Variants in RUNDC3B observed in about 807,000 individuals in gnomAD.
RUNDC3B encodes the protein RUN domain-containing protein 3B.
A neutral mutation model predicts 58.4 loss-of-function variants in RUNDC3B; 33 were observed. The ratio of observed to expected loss-of-function variants is 0.56; its 90% CI spans 0.43 to 0.75. The LOEUF (loss-of-function observed/expected upper bound fraction) is 0.75. Among genes scored for constraint, RUNDC3B ranks in the 30% least tolerant of loss-of-function variants. The pLI, the probability that RUNDC3B is intolerant of heterozygous loss-of-function variation, is 0.00. For missense variants in RUNDC3B, 501 were observed against 535.7 expected, an observed-to-expected ratio of 0.94 and a Z score of 0.64; for synonymous variants, 193 against 195.2, an observed-to-expected ratio of 0.99 and a Z score of 0.10.
intron 2 of RUNDC3B, among the ~76,000 whole-genome samples, chr7:87,658,635 A>C (rs1824371571): frequency 6.6e-6 from 1 of 152,226 alleles, no homozygotes; most frequent in Non-Finnish European, 1.5e-5. Flanking sequence ...GCAAATAGAG[A>C]AAAATGACAA....
intron 6 of RUNDC3B, among the ~76,000 whole-genome samples, chr7:87,767,008 C>G (rs1459941925): frequency 2.0e-5 from 3 of 151,850 alleles, no homozygotes; most frequent in Non-Finnish European, 2.9e-5. Flanking sequence ...GAAATTCTTT[C>G]TTTTGCTTGG....
intron 2 of RUNDC3B, among the ~76,000 whole-genome samples, chr7:87,665,389 A>G (rs908990709): frequency 2.6e-5 from 4 of 152,132 alleles, no homozygotes; most frequent in African/African-American, 9.7e-5. Context: ...AGGAAGTGAA[A>G]CCTCTGTACA....
intron 10 of RUNDC3B, among the ~76,000 whole-genome samples, chr7:87,827,233 A>G (rs1247096169): frequency 1.3e-5 from 2 of 152,226 alleles, no homozygotes; most frequent in African/African-American, 4.8e-5. Flanking sequence ...CATGCCTGTA[A>G]TCCCAGCACT....
intron 2 of RUNDC3B, among the ~76,000 whole-genome samples, chr7:87,669,450 G>A (rs905821787): frequency 6.6e-6 from 1 of 152,070 alleles, no homozygotes; most frequent in African/African-American, 2.4e-5. Context: ...TGCCTTTTAA[G>A]TGGGGCATTT....
At chr7:87,714,666 A>T (rs184881679) in intron 4 of RUNDC3B, among the ~76,000 whole-genome samples, 1 of 152,292 alleles carries the variant, frequency 6.6e-6, no homozygotes, top group African/African-American at 2.4e-5. Context: ...TGGTTAGACG[A>T]GAAATTCTCA....
chr7:87,763,731 C>T (rs1833824607), intron 6 of RUNDC3B, among the ~76,000 whole-genome samples: 2 of 151,504 alleles, frequency 1.3e-5, no homozygotes, highest in African/African-American at 4.8e-5. Context: ...TATTATCAGC[C>T]ATTAATTTTT....
At chr7:87,770,856 C>T (rs1349452564) in intron 7 of RUNDC3B, 107 bp downstream of exon 7, 3 of 712,988 alleles carry the variant, frequency 4.2e-6, no homozygotes, top group African/African-American at 1.8e-5. Flanking sequence ...TCCATTGCTG[C>T]TTCTCTTCTG....
chr7:87,828,314 C>A (rs1184964149), intron 10 of RUNDC3B, among the ~76,000 whole-genome samples: 2 of 152,032 alleles, frequency 1.3e-5, no homozygotes, highest in African/African-American at 4.8e-5. Flanking sequence ...CAATTGATCC[C>A]ATCACCCAAG....
chr7:87,741,072 G>T (rs184142598), intron 5 of RUNDC3B, among the ~76,000 whole-genome samples: 1 of 152,176 alleles, frequency 6.6e-6, no homozygotes, highest in Admixed American at 6.5e-5. Context: ...AGGCATGGTA[G>T]TGGGTGCCTG....
intron 10 of RUNDC3B, among the ~76,000 whole-genome samples, chr7:87,823,244 T>C (rs1837592195): frequency 6.6e-6 from 1 of 151,976 alleles, no homozygotes; most frequent in Non-Finnish European, 1.5e-5. Context: ...ATCTGTAATA[T>C]TTTTTCCACA....
At chr7:87,722,272 G>A (rs1830948971) in intron 4 of RUNDC3B, among the ~76,000 whole-genome samples, 1 of 151,402 alleles carries the variant, frequency 6.6e-6, no homozygotes, top group Non-Finnish European at 1.5e-5. Flanking sequence ...ATTAACTATT[G>A]TCACCATTCT....
At chr7:87,661,269 ATTATACTC>A (rs1176842043) in intron 2 of RUNDC3B, among the ~76,000 whole-genome samples, 1 of 151,886 alleles carries the variant, frequency 6.6e-6, no homozygotes, top group Non-Finnish European at 1.5e-5. Flanking sequence ...AAACAATTCA[ATTATACTC>A]TTTTAGTTAT....
At chr7:87,802,353 C>G (rs1836211390) in intron 8 of RUNDC3B, among the ~76,000 whole-genome samples, 1 of 151,920 alleles carries the variant, frequency 6.6e-6, no homozygotes. Context: ...CATGATTGTG[C>G]TACTGCACTC....
chr7:87,778,029 AG>A, intron 8 of RUNDC3B, 74 bp downstream of exon 8: 1 of 1,292,530 alleles, frequency 7.7e-7, no homozygotes, highest in East Asian at 2.4e-5. Context: ...TTGATACAGG[AG>A]GCAAATTCCA....
chr7:87,650,734 C>A, intron 1 of RUNDC3B, 88 bp from the exon 2 acceptor site: 1 of 752,294 alleles, frequency 1.3e-6, no homozygotes. Flanking sequence ...TTTTACAACT[C>A]TTCCCCAAAT....
intron 6 of RUNDC3B, among the ~76,000 whole-genome samples, chr7:87,760,893 G>T (rs1000657127): frequency 9.2e-5 from 14 of 151,906 alleles, no homozygotes; most frequent in Admixed American, 2.0e-4. Context: ...AAACATAGGT[G>T]TAAATTTTTC....
intron 8 of RUNDC3B, among the ~76,000 whole-genome samples, chr7:87,798,159 C>T (rs1351667992): frequency 6.6e-6 from 1 of 152,192 alleles, no homozygotes; most frequent in African/African-American, 2.4e-5. Context: ...CCTTACTCTT[C>T]TGTCAAAGGC....
chr7:87,808,793 A>G (rs937901942), intron 9 of RUNDC3B, among the ~76,000 whole-genome samples: 1 of 152,108 alleles, frequency 6.6e-6, no homozygotes, highest in Non-Finnish European at 1.5e-5. Flanking sequence ...TTAATTAATG[A>G]AGAATTTATT....
intron 6 of RUNDC3B, among the ~76,000 whole-genome samples, chr7:87,753,198 T>G (rs1833129896): frequency 6.6e-6 from 1 of 150,900 alleles, no homozygotes; most frequent in African/African-American, 2.4e-5. Flanking sequence ...GTGAGATTCT[T>G]AATCCTGAGT....
Sources: gnomAD v4.1 joint callset for allele counts (sites outside exome capture counted in the v4.1 genomes callset) on GRCh38, gnomAD v4.1.1 for gene constraint, MANE v1.5 for transcripts, NCBI Gene and HGNC (gene_info 2026-07-23, HGNC 2026-07-21) for gene names.